Variants in CAMSAP3 observed in about 807,000 individuals in gnomAD.
CAMSAP3 encodes the protein calmodulin-regulated spectrin-associated protein 3.
In CAMSAP3, 34 loss-of-function variants were observed where a neutral mutation model predicts 112.5. The ratio of observed to expected loss-of-function variants is 0.30; its 90% CI spans 0.23 to 0.40. The LOEUF is 0.40. CAMSAP3 is among the 10% of genes least tolerant of loss of function. The pLI, the probability that CAMSAP3 is intolerant of heterozygous loss-of-function variation, is 1.00. For missense variants in CAMSAP3, 1,602 were observed against 1,770.3 expected, an observed-to-expected ratio of 0.90 and a Z score of 1.71; for synonymous variants, 868 against 799.8, an observed-to-expected ratio of 1.09 and a Z score of -1.44.
rs560813675 is a variant in CAMSAP3 at position 7,607,888 on chromosome 19, G to A, written c.622-238G>A. ...CCCATGGTAATGTATCCCCCGCCCC[G>A]GGGTCCCAGGAGTCCCTGTCCCCAG... On this transcript the variant is annotated intron_variant, in intron 4 of 16. Transcript: ENST00000160298. This position sits in a 1 kb window ranked among gnomAD's most constrained non-coding sequence, Gnocchi z 4.9. 1.0e-5 allele frequency: 10 copies of A among 993,552 alleles called. No homozygotes were observed. The highest frequency in any genetic ancestry group is 4.5e-5 in the South Asian group (3 of 66,466). The allele number at this position is 993,552 out of a possible 1,614,324, so 61.5% of individuals were successfully genotyped here.
In CAMSAP3 at chr19:7,617,238, C is replaced by T; in HGVS notation, c.3213-88C>T. ...AGCCGTGGCCCTTATTTTCCTTGGC[C>T]CCTCTGCACATAGGGAAGCTTCCCA... On this transcript the variant is annotated intron_variant, in intron 14 of 16. Transcript: ENST00000160298. This position sits in a 1 kb window ranked among gnomAD's most constrained non-coding sequence, Gnocchi z 7.5. 8 of 925,342 alleles carry T rather than the reference C, an allele frequency of 8.6e-6. No individual in the cohort carries two copies. The South Asian group carries it at 9.3e-5, about 11-fold the overall frequency. 57.3% of individuals were successfully genotyped at this position (925,342 alleles called of 1,614,324 possible). A position where few individuals can be genotyped will look rare whatever the true frequency, so the allele number is the denominator to read the frequency against.
chr19:7,615,351 C>A lies in CAMSAP3; in HGVS notation c.2810+29C>A, dbSNP rs1482134359. On this transcript the variant is annotated intron_variant, in intron 12 of 16. Transcript: ENST00000160298. The surrounding 1 kb of genome is among the most constrained non-coding windows in gnomAD (Gnocchi z 6.5). ...AGGCCGGGCCTGCCCGGGACGCCCG[C>A]TCCTTGGCCTGTCTGCCACCGCGGA... 1.3e-6 allele frequency: 2 copies of A among 1,534,348 alleles called. No homozygotes were observed. Among genetic ancestry groups the A allele is most frequent in the Non-Finnish European group, 1.8e-6 (2 of 1,137,016 alleles).
In CAMSAP3 at chr19:7,617,832, G is replaced by A. The variant is rs369401359; in HGVS notation, c.3525G>A (p.Leu1175=). The A allele has an allele frequency of 3.7e-6, 6 of 1,613,976 alleles. No homozygotes were observed. The highest frequency in any genetic ancestry group is 3.3e-5 in the Admixed American group (2 of 60,030). ...SSCQFRALYT[L]SGETEELSRL... is the part of the protein sequence containing the mutation. ...GCCAGTTCCGGGCGCTCTACACGCT[G>A]TCGGGGGAGACAGAGGAGCTGTCGC... The change falls in exon 17 of 17, where the codon CTG becomes CTA. Residue 1175 remains leucine (L), a synonymous_variant. Coordinates refer to ENST00000160298, the MANE Select transcript of CAMSAP3 (RefSeq NM_020902.2). The surrounding 1 kb of genome is among the most constrained non-coding windows in gnomAD (Gnocchi z 7.5).
intron 14 of CAMSAP3, among the ~76,000 whole-genome samples, chr19:7,616,949 T>TTG (rs1555763681): frequency 1.1e-4 from 15 of 142,454 alleles, no homozygotes; most frequent in East Asian, 2.1e-4. Context: ...TTTTTTTTTT[T>TTG]TTTTTTTTTG....
At position 7,612,680 on chromosome 19, in the gene CAMSAP3, C is replaced by A; in HGVS notation, c.2187C>A (p.Ala729=). The A allele has an allele frequency of 2.0e-6, 3 of 1,512,440 alleles. No homozygotes were observed. Among genetic ancestry groups the A allele is most frequent in the Non-Finnish European group, 2.6e-6 (3 of 1,132,772 alleles). 93.7% of individuals were successfully genotyped at this position (1,512,440 alleles called of 1,614,324 possible). The change falls in exon 11 of 17, where the codon GCC becomes GCA. Residue 729 remains alanine (A), a synonymous_variant. Coordinates refer to ENST00000160298, the MANE Select transcript of CAMSAP3 (RefSeq NM_020902.2). ...CGGACCAGCAGCAGCGGCTCCTGGCCCCGCCCGAGGCCCCCGGATCCGCCC... is the reference window on the plus strand; with the variant it reads ...CGGACCAGCAGCAGCGGCTCCTGGCACCGCCCGAGGCCCCCGGATCCGCCC... ...RLTDQQQRLL[A]PPEAPGSAPP...
At position 7,617,473 on chromosome 19, in the gene CAMSAP3, A is replaced by G. The variant is rs1248206400; in HGVS notation, c.3325+35A>G. 1.2e-6 allele frequency: 2 copies of G among 1,604,374 alleles called. No individual in the cohort carries two copies. Among genetic ancestry groups the G allele is most frequent in the Non-Finnish European group, 1.7e-6 (2 of 1,171,220 alleles). Reference sequence around the variant, plus strand: ...GGCTCTGGGTGATGTGAGGAGCAACAGGCACCCTCCTCCACAGCCCCTGCT... The same window carrying G: ...GGCTCTGGGTGATGTGAGGAGCAACGGGCACCCTCCTCCACAGCCCCTGCT... On this transcript the variant is annotated intron_variant, in intron 15 of 16. Coordinates refer to ENST00000160298, the MANE Select transcript of CAMSAP3 (RefSeq NM_020902.2). This position sits in a 1 kb window ranked among gnomAD's most constrained non-coding sequence, Gnocchi z 7.5.
intron 1 of CAMSAP3, among the ~76,000 whole-genome samples, chr19:7,603,060 G>A (rs1023015116): frequency 3.3e-5 from 5 of 152,158 alleles, no homozygotes; most frequent in African/African-American, 1.2e-4. Context: ...GGACGGTCCA[G>A]TGTGGTTTTA....
chr19:7,615,779 GC>G lies in CAMSAP3; in HGVS notation c.3112+65del. On this transcript the variant is annotated intron_variant, in intron 13 of 16. Coordinates refer to ENST00000160298, the MANE Select transcript of CAMSAP3 (RefSeq NM_020902.2). This position sits in a 1 kb window ranked among gnomAD's most constrained non-coding sequence, Gnocchi z 6.5. ...CCCTTTCCGGGGCTCACTGGGTGAG[GC>G]CCCCATGGGTAAGGGGGGAGGGGGA... is the stretch of plus-strand genomic sequence containing the variant. 2 of 871,668 alleles carry G rather than the reference GC, an allele frequency of 2.3e-6. No homozygotes were observed. The highest frequency in any genetic ancestry group is 2.1e-5 in the African/African-American group (1 of 47,302). 54.0% of individuals were successfully genotyped at this position (871,668 alleles called of 1,614,324 possible).
In CAMSAP3 at chr19:7,610,897, G is replaced by A. The variant is rs2030447651; in HGVS notation, c.1015G>A (p.Glu339Lys). ...DGHAASPRGT[E>K]ASPPQNNSGS... The stretch of plus-strand genomic sequence containing the variant: ...TGCAGCTGCCTCCCCCCGGGGCACT[G>A]AGGCCTCCCCACCTCAGAACAACAG... The change falls in exon 8 of 17, where the codon GAG becomes AAG. Residue 339 changes from glutamate to lysine, a missense_variant. By Grantham distance (56) the Glu-to-Lys change is moderately conservative (BLOSUM62 1). Transcript: ENST00000160298. The surrounding 1 kb of genome is among the most constrained non-coding windows in gnomAD (Gnocchi z 4.9). The A allele has an allele frequency of 6.3e-7, 1 of 1,593,056 alleles. No individual in the cohort carries two copies. Among genetic ancestry groups the A allele is most frequent in the East Asian group, 2.2e-5 (1 of 44,672 alleles).
Position 7,605,242 on chromosome 19 carries a change from G to T in CAMSAP3, c.165G>T (p.Glu55Asp). The change falls in exon 2 of 17, where the codon GAG becomes GAT. Residue 55 changes from glutamate to aspartate, a missense_variant. Physicochemically the swap from Glu to Asp is conservative, Grantham distance 45. This residue lies in a region of CAMSAP3 where 147 missense variants were observed against 144.6 expected (regional missense o/e 1.02). Coordinates refer to ENST00000160298, the MANE Select transcript of CAMSAP3 (RefSeq NM_020902.2). ...AFGGAEHVPP[E>D]LWEPFYTDQY... ...CCCCCACAGAGCACGTGCCCCCGGA[G>T]CTGTGGGAGCCCTTCTATACCGACC... 1 of 1,557,200 alleles carries T rather than the reference G, an allele frequency of 6.4e-7. No homozygotes were observed. Among genetic ancestry groups the T allele is most frequent in the Non-Finnish European group, 8.7e-7 (1 of 1,151,326 alleles).
rs371324539 is a variant in CAMSAP3, at chr19:7,617,701, G to C, written c.3444+40G>C. 24 of 1,613,186 alleles carry C rather than the reference G, an allele frequency of 1.5e-5. No homozygotes were observed. In the African/African-American group the frequency reaches 3.1e-4, roughly 21 times the overall value. On this transcript the variant is annotated intron_variant, in intron 16 of 16. Coordinates refer to ENST00000160298, the MANE Select transcript of CAMSAP3 (RefSeq NM_020902.2). This position sits in a 1 kb window ranked among gnomAD's most constrained non-coding sequence, Gnocchi z 7.5. ...ACGTGGGAGTTGGGGGCTGGTGGGT[G>C]GGTGGGTGGCCTGACTTGGCCAGCT... is the stretch of plus-strand genomic sequence containing the variant.
At chr19:7,604,621 G>C (rs748166655) in intron 1 of CAMSAP3, among the ~76,000 whole-genome samples, 32 of 151,382 alleles carry the variant, frequency 2.1e-4, no homozygotes, top group Non-Finnish European at 3.1e-4. Context: ...TCCCCTGCTC[G>C]CCTGTGTGCC....
At chr19:7,608,468 TG>T (rs1371681907) in intron 5 of CAMSAP3, among the ~76,000 whole-genome samples, 1 of 152,130 alleles carries the variant, frequency 6.6e-6, no homozygotes, top group Admixed American at 6.6e-5. Context: ...TAAACCTCTC[TG>T]TGCTTCCAGG....
At position 7,612,271 on chromosome 19, in the gene CAMSAP3, C is replaced by T. The variant is rs201644239; in HGVS notation, c.1778C>T (p.Pro593Leu). The change falls in exon 11 of 17, where the codon CCG (proline) becomes CTG (leucine). Residue 593 changes from proline (P) to leucine (L), a missense_variant. Physicochemically the swap from Pro to Leu is moderately conservative, Grantham distance 98. Coordinates refer to ENST00000160298, the MANE Select transcript of CAMSAP3 (RefSeq NM_020902.2). ...TCCCCCACGTCCACTCCGGCCCCGC[C>T]GGAGGCCCTGAGCTCGGAGATGAGT... ...AGSPTSTPAPPEALSSEMSEL... is the reference protein window; with the variant it reads ...AGSPTSTPAPLEALSSEMSEL... 3.9e-5 allele frequency: 63 copies of T among 1,596,504 alleles called. No individual in the cohort carries two copies. The African/African-American group carries it at 7.0e-4, about 18-fold the overall frequency.
rs1279523749 is a variant in CAMSAP3, at chr19:7,610,594, G to A, written c.879G>A (p.Leu293=). The A allele has an allele frequency of 1.9e-6, 3 of 1,613,276 alleles. No homozygotes were observed. Among genetic ancestry groups the A allele is most frequent in the East Asian group, 2.2e-5 (1 of 44,886 alleles). ...RGCPLSLEDL[L]YVPPPLKVNL... ...GCCCCCTGTCCCTTGAGGACTTGCT[G>A]TACGTCCCACCGCCACTCAAGGTAA... The change falls in exon 6 of 17, where the codon CTG becomes CTA. Residue 293 remains leucine, a synonymous_variant. Coordinates refer to ENST00000160298, the MANE Select transcript of CAMSAP3 (RefSeq NM_020902.2). This position sits in a 1 kb window ranked among gnomAD's most constrained non-coding sequence, Gnocchi z 4.9.
Position 7,612,836 on chromosome 19 carries a change from G to A in CAMSAP3, c.2343G>A (p.Pro781=), listed in dbSNP as rs759642192. The part of the protein sequence containing the change: ...GPGPSQSPRS[P]KHTRPAELRL... ...GGCCCAGCCAGTCACCCCGCAGCCC[G>A]AAACACACGCGGCCAGCGGAGCTGC... is the stretch of plus-strand genomic sequence containing the variant. Residue 781 remains proline (P), a synonymous_variant, in exon 11 of 17, where the codon CCG becomes CCA. Transcript: ENST00000160298. 2.3e-5 allele frequency: 37 copies of A among 1,582,070 alleles called. No homozygotes were observed. The Admixed American group carries it at 4.1e-4, about 18-fold the overall frequency.
intron 5 of CAMSAP3, among the ~76,000 whole-genome samples, chr19:7,609,200 C>T (rs1460666827): frequency 1.3e-5 from 2 of 151,572 alleles, no homozygotes; most frequent in African/African-American, 4.9e-5. Flanking sequence ...CGCCTGTAAT[C>T]CCAGCTACAC....
At position 7,610,991 on chromosome 19, in the gene CAMSAP3, T is replaced by C. The variant is rs1674034; in HGVS notation, c.1049+60T>C. On this transcript the variant is annotated intron_variant, in intron 8 of 16. Coordinates refer to ENST00000160298, the MANE Select transcript of CAMSAP3 (RefSeq NM_020902.2). The surrounding 1 kb of genome is among the most constrained non-coding windows in gnomAD (Gnocchi z 4.9). ...GTGGGTGTGGGGCTCCATGTCTGCCTTGCTGAGCACTGGGACGCAGCTGGG... is the reference window on the plus strand; with the variant it reads ...GTGGGTGTGGGGCTCCATGTCTGCCCTGCTGAGCACTGGGACGCAGCTGGG... 0.25 allele frequency: 391,813 copies of C among 1,583,142 alleles called. 49,896 individuals are homozygous for C. The highest frequency in any genetic ancestry group is 0.31 in the Admixed American group (18,420 of 58,582).
chr19:7,604,948 C>CT (rs1440162717), intron 1 of CAMSAP3, among the ~76,000 whole-genome samples: 10 of 152,146 alleles, frequency 6.6e-5, no homozygotes, highest in Non-Finnish European at 1.3e-4. Context: ...CCTTTCCACT[C>CT]TAAGTGCCCA....
Sources: gnomAD v4.1 joint callset for allele counts (sites outside exome capture counted in the v4.1 genomes callset) on GRCh38, gnomAD v4.1.1 for gene constraint, gnomAD v4.1.1 regional missense constraint, Gnocchi (gnomAD v3.1) non-coding constraint, MANE v1.5 for transcripts, NCBI Gene and HGNC (gene_info 2026-07-23, HGNC 2026-07-21) for gene names.